Variants in GMDS observed in about 807,000 individuals in gnomAD.
GMDS encodes GDP-mannose 4,6 dehydratase.
A neutral mutation model predicts 49.9 loss-of-function variants in GMDS; 20 were observed. That is an observed-to-expected ratio of 0.40 (90% CI 0.28 to 0.58). The LOEUF (loss-of-function observed/expected upper bound fraction) is 0.58, where lower values mean the gene tolerates loss of function less well. GMDS is among the 20% of genes least tolerant of loss of function. The pLI, the probability that GMDS is intolerant of heterozygous loss-of-function variation, is 0.42. For missense variants in GMDS, 362 were observed against 481.4 expected (o/e 0.75, Z 2.32); for synonymous variants, 177 against 178.6 (o/e 0.99, Z 0.07).
At chr6:1,645,571 TC>T (rs1342423311) in intron 9 of GMDS, among the ~76,000 whole-genome samples, 1 of 152,200 alleles carries the variant, frequency 6.6e-6, no homozygotes, top group Admixed American at 6.5e-5. Context: ...GCTCTTTTCC[TC>T]CCACTCTCCG....
At chr6:1,641,085 TA>T (rs1763317143) in intron 9 of GMDS, among the ~76,000 whole-genome samples, 1 of 152,368 alleles carries the variant, frequency 6.6e-6, no homozygotes, top group African/African-American at 2.4e-5. Flanking sequence ...GGGTGCTCAT[TA>T]GACCCTTTGC....
chr6:2,146,045 T>C (rs1776542530), intron 1 of GMDS, among the ~76,000 whole-genome samples: 2 of 152,194 alleles, frequency 1.3e-5, no homozygotes, highest in Non-Finnish European at 1.5e-5. Context: ...AGTAATCACA[T>C]GAAAGATCCT....
In GMDS at chr6:1,812,580, A is replaced by G. The variant is rs1162175789; in HGVS notation, c.772-69994T>C. Among the ~76,000 whole-genome samples, 12 of 152,136 alleles carry G rather than the reference A, an allele frequency of 7.9e-5. No homozygotes were observed. In the East Asian group the frequency reaches 1.9e-3, roughly 25 times the overall value. On this transcript the variant is annotated intron_variant, in intron 7 of 10. Transcript: ENST00000380815. ...AGGGGCAGCAAAGGGGACACAGAGG[A>G]GAAGCCACAAAAGGAAGGGAGCAGG...
intron 4 of GMDS, among the ~76,000 whole-genome samples, chr6:2,040,184 G>A (rs1769585604): frequency 6.6e-6 from 1 of 152,180 alleles, no homozygotes; most frequent in Non-Finnish European, 1.5e-5. Flanking sequence ...GACCACCCTT[G>A]TACCTCTCTA....
intron 4 of GMDS, among the ~76,000 whole-genome samples, chr6:2,097,691 G>A (rs1165396935): frequency 6.6e-6 from 1 of 152,030 alleles, no homozygotes; most frequent in Admixed American, 6.6e-5. Flanking sequence ...GGGAAGAAGA[G>A]CTTTAGCTCC....
intron 8 of GMDS, among the ~76,000 whole-genome samples, 184 bp from the exon 9 acceptor site, chr6:1,726,696 C>A (rs1379691870): frequency 2.0e-5 from 3 of 152,210 alleles, no homozygotes; most frequent in Admixed American, 6.5e-5. Flanking sequence ...CTTTCTAGAT[C>A]TGTTTTGCAA....
At chr6:2,000,031 A>T (rs1410401308) in intron 4 of GMDS, among the ~76,000 whole-genome samples, 1 of 17,684 alleles carries the variant, frequency 5.7e-5, no homozygotes, top group African/African-American at 1.8e-4. Context: ...ATATATATCT[A>T]TATCTTTTTT....
chr6:1,893,240 C>CTGGA (rs1759968989), intron 7 of GMDS, among the ~76,000 whole-genome samples: 1 of 144,086 alleles, frequency 6.9e-6, no homozygotes, highest in Admixed American at 7.2e-5. Flanking sequence ...GTCACCCAGG[C>CTGGA]TGGAGTGCAG....
intron 9 of GMDS, among the ~76,000 whole-genome samples, chr6:1,663,770 C>A (rs957308163): frequency 6.6e-6 from 1 of 152,192 alleles, no homozygotes; most frequent in Non-Finnish European, 1.5e-5. Context: ...TCATTTCCTT[C>A]ATGGCTCTGC....
intron 4 of GMDS, among the ~76,000 whole-genome samples, chr6:2,066,454 T>C (rs547860691): frequency 5.3e-5 from 8 of 150,346 alleles, no homozygotes; most frequent in African/African-American, 2.0e-4. Context: ...AATGCTCCAA[T>C]TAAAAGACAC....
At chr6:2,229,527 G>A (rs1780982508) in intron 1 of GMDS, among the ~76,000 whole-genome samples, 2 of 152,036 alleles carry the variant, frequency 1.3e-5, no homozygotes, top group African/African-American at 2.4e-5. Context: ...TCCAGGCTGC[G>A]GTAAGCAAAG....
chr6:1,817,669 AAT>A (rs1173164377), intron 7 of GMDS, among the ~76,000 whole-genome samples: 1 of 152,190 alleles, frequency 6.6e-6, no homozygotes, highest in Non-Finnish European at 1.5e-5. Flanking sequence ...CAAACAATTT[AAT>A]TGCTTCTGTC....
At chr6:1,929,151 G>C (rs183616494) in intron 7 of GMDS, among the ~76,000 whole-genome samples, 207 of 152,232 alleles carry the variant, frequency 1.4e-3, no homozygotes, top group Non-Finnish European at 2.1e-3. Flanking sequence ...CTCTGCACTA[G>C]CAAACAAACT....
chr6:1,896,223 C>T (rs927894395), intron 7 of GMDS, among the ~76,000 whole-genome samples: 5 of 152,152 alleles, frequency 3.3e-5, no homozygotes, highest in African/African-American at 1.2e-4. Context: ...CATCCTCGGC[C>T]TCAACCCATT....
intron 9 of GMDS, among the ~76,000 whole-genome samples, chr6:1,650,004 C>T (rs894670400): frequency 4.6e-5 from 7 of 152,178 alleles, no homozygotes; most frequent in African/African-American, 7.2e-5. Flanking sequence ...AAGTAACTTC[C>T]GAAGTGATGA....
intron 4 of GMDS, among the ~76,000 whole-genome samples, chr6:2,029,541 T>G (rs1041388028): frequency 3.9e-5 from 6 of 152,248 alleles, no homozygotes; most frequent in African/African-American, 1.4e-4. Flanking sequence ...AGGACAGTTT[T>G]GCCAACTGCA....
intron 9 of GMDS, among the ~76,000 whole-genome samples, chr6:1,718,771 C>CAT (rs532357339): frequency 4.0e-4 from 59 of 148,666 alleles, no homozygotes; most frequent in African/African-American, 1.4e-3. Flanking sequence ...CATATATATA[C>CAT]ATATATATAT....
chr6:2,021,124 G>A (rs916921537), intron 4 of GMDS, among the ~76,000 whole-genome samples: 1 of 152,218 alleles, frequency 6.6e-6, no homozygotes, highest in Non-Finnish European at 1.5e-5. Flanking sequence ...ATTAGGAGGA[G>A]TCAAATTCTA....
intron 7 of GMDS, among the ~76,000 whole-genome samples, chr6:1,771,348 C>G (rs1017567519): frequency 6.6e-6 from 1 of 152,228 alleles, no homozygotes; most frequent in Non-Finnish European, 1.5e-5. Context: ...GGGCCTCAGA[C>G]ACACTCTGGT....
Sources: gnomAD v4.1 joint callset for allele counts (sites outside exome capture counted in the v4.1 genomes callset) on GRCh38, gnomAD v4.1.1 for gene constraint, MANE v1.5 for transcripts, NCBI Gene and HGNC (gene_info 2026-07-23, HGNC 2026-07-21) for gene names.